The following ODAD1 variants were observed in gnomAD, a reference collection of about 807,000 sequenced individuals.
The protein encoded by ODAD1 is outer dynein arm-docking complex subunit 1.
ODAD1 carries 49 observed loss-of-function variants against 67.2 expected under a neutral mutation model. The ratio of observed to expected loss-of-function variants is 0.73; its 90% CI spans 0.58 to 0.92. The LOEUF (loss-of-function observed/expected upper bound fraction) is 0.92. ODAD1 is among the 40% of genes least tolerant of loss of function. The pLI, the probability that ODAD1 is intolerant of heterozygous loss-of-function variation, is 0.00. For synonymous variants in ODAD1, 345 were observed against 393.7 expected (o/e 0.88, Z 1.46); for missense variants, 897 against 953.7 (o/e 0.94, Z 0.78).
intron 7 of ODAD1, 75 bp from the exon 8 acceptor site, chr19:48,306,398 T>C: frequency 7.8e-7 from 1 of 1,286,140 alleles, no homozygotes. Context: ...TTTGGCCCCG[T>C]GCTTCTCCAA....
rs1203340660 is a variant in ODAD1 at position 48,320,322 on chromosome 19, C to A, written c.47G>T (p.Ser16Ile). The change falls in exon 3 of 16, where the codon AGC (serine) becomes ATC (isoleucine). Residue 16 changes from serine (S) to isoleucine (I), a missense_variant. Ser to Ile is a moderately radical substitution (Grantham distance 142). Transcript: ENST00000674294. ...LAGSARSEEG[S>I]EAFLEGMVDW... ...ACCCATTCCCTCCAGAAATGCCTCG[C>A]TTCCCTCCTCGGAGCGGGCGCTCCC... 5 of 1,289,032 alleles carry A rather than the reference C, an allele frequency of 3.9e-6. No individual in the cohort carries two copies. In the East Asian group the frequency reaches 2.8e-4, roughly 72 times the overall value. 79.8% of individuals were successfully genotyped at this position (1,289,032 alleles called of 1,614,324 possible).
rs767878977 is a variant in ODAD1 at position 48,297,267 on chromosome 19, G to C, written c.1833C>G (p.Ser611Arg). ...GLSSSTGHLP[S>R]HITHGDPNTG... ...TGTTGGGGTCACCGTGCGTGATGTG[G>C]CTGGGCAAATGCCCAGTGCTGGAGC... The change falls in exon 16 of 16, where the codon AGC (serine) becomes AGG (arginine). Residue 611 changes from serine (S) to arginine (R), a missense_variant. Ser to Arg is a moderately radical substitution (Grantham distance 110). Transcript: ENST00000674294. The C allele has an allele frequency of 6.2e-7, 1 of 1,614,056 alleles. No homozygotes were observed. Among genetic ancestry groups the C allele is most frequent in the Admixed American group, 1.7e-5 (1 of 60,024 alleles).
At position 48,300,774 on chromosome 19, in the gene ODAD1, G is replaced by A. The variant is rs775213532; in HGVS notation, c.1240+1920C>T. On this transcript the variant is annotated intron_variant, in intron 12 of 15. Transcript: ENST00000674294. ...CGATGCTCAATATTATTAGTCACCA[G>A]GGAAATGCCAATTAAATTAATAGAG... Among the ~76,000 whole-genome samples, 12 of 152,302 alleles carry A rather than the reference G, an allele frequency of 7.9e-5. 1 individual carries two copies. The highest frequency in any genetic ancestry group is 5.2e-4 in the Admixed American group (8 of 15,290).
intron 5 of ODAD1, among the ~76,000 whole-genome samples, chr19:48,313,712 A>G (rs997697562): frequency 6.6e-6 from 1 of 152,018 alleles, no homozygotes; most frequent in African/African-American, 2.4e-5. Flanking sequence ...GCAAGACCCC[A>G]TCTCTACAAG....
intron 5 of ODAD1, among the ~76,000 whole-genome samples, chr19:48,314,895 G>A (rs1399881558): frequency 1.3e-5 from 2 of 151,626 alleles, no homozygotes; most frequent in South Asian, 2.1e-4. Context: ...GCAATGAGCC[G>A]AGATTGCACC....
Position 48,296,942 on chromosome 19 carries a change from GC to G in ODAD1, c.*33del, listed in dbSNP as rs1600854104. ...GACACAAAAAAAGACCCCACAGAGA[GC>G]CAGGGCAGGGTGGGGGCTGCGTGCC... On this transcript the variant is annotated 3_prime_UTR_variant, in exon 16 of 16. Coordinates refer to ENST00000674294, the MANE Select transcript of ODAD1 (RefSeq NM_001364171.2). 6.5e-7 allele frequency: 1 copy of G among 1,536,604 alleles called. No individual in the cohort carries two copies. The highest frequency in any genetic ancestry group is 8.7e-7 in the Non-Finnish European group (1 of 1,148,558).
At chr19:48,306,374 T>C in intron 7 of ODAD1, 51 bp from the exon 8 acceptor site, 1 of 1,471,724 alleles carries the variant, frequency 6.8e-7, no homozygotes, top group Non-Finnish European at 9.3e-7. Flanking sequence ...ACCCCATTGC[T>C]CGAAGTCTTT....
In ODAD1 at chr19:48,318,537, G is replaced by C; in HGVS notation, c.210C>G (p.Leu70=). 1 of 1,551,566 alleles carries C rather than the reference G, an allele frequency of 6.4e-7. No homozygotes were observed. The highest frequency in any genetic ancestry group is 2.4e-5 in the East Asian group (1 of 40,912). ...TCTGGGCTGCGCTGATCTGCACCTG[G>C]AGATCGCCCCGTACCTCCTCCAAGC... is the stretch of plus-strand genomic sequence containing the variant. ...IRRLEEVRGD[L]QVQISAAQNQ... The change falls in exon 5 of 16, where the codon CTC becomes CTG. Residue 70 remains leucine, a synonymous_variant. Transcript: ENST00000674294.
rs1210199521 is a variant in ODAD1 at position 48,297,323 on chromosome 19, A to C, written c.1777T>G (p.Ser593Ala). The part of the protein sequence containing the change: ...LSHKTSRDRG[S>A]LGHVTFGGLS... ...CCGCCAAAAGTGACGTGGCCAAGAG[A>C]GCCACGGTCTCTGCTAGTCTTGTGG... The change falls in exon 16 of 16, where the codon TCT becomes GCT. Residue 593 changes from serine (S) to alanine (A), a missense_variant. Coordinates refer to ENST00000674294, the MANE Select transcript of ODAD1 (RefSeq NM_001364171.2). 1.2e-6 allele frequency: 2 copies of C among 1,613,170 alleles called. No homozygotes were observed. The highest frequency in any genetic ancestry group is 2.7e-5 in the African/African-American group (2 of 74,900).
chr19:48,303,872 A>T (rs895204994), intron 9 of ODAD1, 81 bp downstream of exon 9: 2 of 1,578,412 alleles, frequency 1.3e-6, no homozygotes, highest in African/African-American at 1.3e-5. Context: ...GTGTGGTCCC[A>T]CCTGGGGCAC....
Position 48,304,007 on chromosome 19 carries a change from T to G in ODAD1, c.799A>C (p.Lys267Gln). 6.2e-7 allele frequency: 1 copy of G among 1,614,184 alleles called. No homozygotes were observed. The highest frequency in any genetic ancestry group is 8.5e-7 in the Non-Finnish European group (1 of 1,180,020). ...GGATCCGGCTGCCGGTCGTTGTTCT[T>G]GAGCTTGAGGAAGTGGTGCAGCTGC... is the stretch of plus-strand genomic sequence containing the variant. ...LEQLHHFLKLKNNDRQPDPDV... is the reference protein window; with the variant it reads ...LEQLHHFLKLQNNDRQPDPDV... The change falls in exon 9 of 16, where the codon AAG becomes CAG. Residue 267 changes from lysine (K) to glutamine (Q), a missense_variant. Physicochemically the swap from Lys to Gln is moderately conservative, Grantham distance 53. Transcript: ENST00000674294.
intron 7 of ODAD1, among the ~76,000 whole-genome samples, chr19:48,307,298 T>C (rs1021269421): frequency 6.6e-6 from 1 of 152,006 alleles, no homozygotes; most frequent in Non-Finnish European, 1.5e-5. Context: ...CTCACTATTG[T>C]AAAATATGTC....
intron 12 of ODAD1, among the ~76,000 whole-genome samples, chr19:48,300,622 A>G (rs1968438197): frequency 6.6e-6 from 1 of 152,222 alleles, no homozygotes; most frequent in Admixed American, 6.5e-5. Flanking sequence ...ATATTTACCA[A>G]AAGTCTAGTA....
chr19:48,317,781 C>T (rs754079302), intron 5 of ODAD1, among the ~76,000 whole-genome samples: 7 of 151,170 alleles, frequency 4.6e-5, no homozygotes, highest in Non-Finnish European at 7.4e-5. Flanking sequence ...CGGGTTTAAA[C>T]GATTCTCCTG....
At chr19:48,311,753 C>T in intron 6 of ODAD1, 87 bp from the exon 7 acceptor site, 4 of 904,864 alleles carry the variant, frequency 4.4e-6, no homozygotes, top group Non-Finnish European at 7.2e-6. Flanking sequence ...AGACACTTAT[C>T]AGAGGTTGGG....
At chr19:48,298,887 G>A (rs73585339) in intron 12 of ODAD1, among the ~76,000 whole-genome samples, 8,700 of 152,256 alleles carry the variant, frequency 0.057, 295 homozygotes, top group Middle Eastern at 0.11. Context: ...CACAGGGCTC[G>A]GATCAGCCAT....
chr19:48,313,439 A>C lies in ODAD1; in HGVS notation c.361-1323T>G, dbSNP rs1009291695. On this transcript the variant is annotated intron_variant, in intron 5 of 15. Coordinates refer to ENST00000674294, the MANE Select transcript of ODAD1 (RefSeq NM_001364171.2). ...AAGACTCCATCTCAAAAAAAAAAAAAAAAAAAACCAAAAAAAAACCTCACA... is the reference window on the plus strand; with the variant it reads ...AAGACTCCATCTCAAAAAAAAAAAACAAAAAAACCAAAAAAAAACCTCACA... Among the ~76,000 whole-genome samples the C allele has an allele frequency of 8.0e-5, 8 of 100,088 alleles. No individual in the cohort carries two copies. In the South Asian group the frequency reaches 2.4e-3, roughly 30 times the overall value. 65.7% of individuals were successfully genotyped at this position (100,088 alleles called of 152,430 possible). A position where few individuals can be genotyped will look rare whatever the true frequency, so the allele number is the denominator to read the frequency against.
At chr19:48,302,367 AATGG>A (rs3077987) in intron 12 of ODAD1, among the ~76,000 whole-genome samples, 13,964 of 142,502 alleles carry the variant, frequency 0.098, 788 homozygotes, top group African/African-American at 0.16. Context: ...ACAGACGTTG[AATGG>A]ATGGATGGAT....
intron 5 of ODAD1, among the ~76,000 whole-genome samples, chr19:48,315,362 T>C (rs1600872426): frequency 6.6e-6 from 1 of 152,256 alleles, no homozygotes; most frequent in African/African-American, 2.4e-5. Flanking sequence ...CTGGCCAACA[T>C]GGCGAAACCC....
Sources: allele counts gnomAD v4.1 joint callset (sites outside exome capture counted in the v4.1 genomes callset), GRCh38; gene constraint gnomAD v4.1.1; transcripts MANE v1.5; gene names NCBI Gene and HGNC (gene_info 2026-07-23, HGNC 2026-07-21).